Variants in SLC52A3 observed in about 807,000 individuals in gnomAD.
The protein encoded by SLC52A3 is solute carrier family 52, riboflavin transporter, member 3.
A neutral mutation model predicts 29.5 loss-of-function variants in SLC52A3; 20 were observed. That is an observed-to-expected ratio of 0.68 (90% CI 0.48 to 0.99). SLC52A3 has a LOEUF of 0.99. SLC52A3 is among the 50% of genes least tolerant of loss of function. SLC52A3 has a pLI of 0.00. For synonymous variants in SLC52A3, 301 were observed against 271.0 expected (o/e 1.11, Z -1.09); for missense variants, 548 against 612.9 (o/e 0.89, Z 1.12).
At chr20:761,957 G>T in intron 3 of SLC52A3, 133 bp from the exon 4 acceptor site, 1 of 1,356,758 alleles carries the variant, frequency 7.4e-7, no homozygotes, top group Non-Finnish European at 1.0e-6. Context: ...CAGGTTGCCT[G>T]GCTCAAGTGG....
intron 4 of SLC52A3, 89 bp from the exon 5 acceptor site, chr20:761,327 C>T: frequency 7.4e-7 from 1 of 1,351,646 alleles, no homozygotes; most frequent in Non-Finnish European, 1.0e-6. Flanking sequence ...TCAGGGGAAC[C>T]CACGGAATAC....
In SLC52A3 at chr20:765,308, G is replaced by A. The variant is rs1318600253; in HGVS notation, c.467C>T (p.Ala156Val). 2 of 1,614,054 alleles carry A rather than the reference G, an allele frequency of 1.2e-6. No individual in the cohort carries two copies. Among genetic ancestry groups the A allele is most frequent in the Admixed American group, 1.7e-5 (1 of 60,004 alleles). The change falls in exon 2 of 5, where the codon GCT becomes GTT. Residue 156 changes from alanine (A) to valine (V), a missense_variant. By Grantham distance (64) the Ala-to-Val change is moderately conservative (BLOSUM62 0). This residue lies in a region of SLC52A3 where 375 missense variants were observed against 471.1 expected (regional missense o/e 0.80). Transcript: ENST00000645534. The surrounding 1 kb of genome is among the most constrained non-coding windows in gnomAD (Gnocchi z 6.6). ...GLSGLLPALV[A>V]LAQGSGLTTC... ...AGTGAGACCGGAGCCCTGGGCAAGA[G>A]CCACCAGGGCGGGCAAGAGGCCGCT... is the stretch of plus-strand genomic sequence containing the variant.
At position 761,065 on chromosome 20, in the gene SLC52A3, G is replaced by C. The variant is rs145431028; in HGVS notation, c.1371C>G (p.Phe457Leu). Residue 457 changes from phenylalanine to leucine, a missense_variant, in exon 5 of 5, where the codon TTC (phenylalanine) becomes TTG (leucine). Transcript: ENST00000645534. ...GCAGATTGCAGAAGTCCGCGGACGAGAAGAGCCGCAGCACGTTGACCAGAG... is the reference window on the plus strand; with the variant it reads ...GCAGATTGCAGAAGTCCGCGGACGACAAGAGCCGCAGCACGTTGACCAGAG... ...MFPLVNVLRL[F>L]SSADFCNLHC... 6.7e-4 allele frequency: 1,080 copies of C among 1,610,086 alleles called. 3 individuals carry two copies. The highest frequency in any genetic ancestry group is 8.7e-4 in the Non-Finnish European group (1,029 of 1,178,800).
chr20:761,612 G>T (rs746432629), intron 4 of SLC52A3, 89 bp downstream of exon 4: 8 of 1,573,600 alleles, frequency 5.1e-6, no homozygotes, highest in Non-Finnish European at 3.5e-6. Flanking sequence ...GACCCCGCTC[G>T]CTGGAAAGGG....
At chr20:769,291 G>GC (rs1313921869), upstream of SLC52A3, among the ~76,000 whole-genome samples, 1 of 152,280 alleles carries the variant, frequency 6.6e-6, no homozygotes, top group Admixed American at 6.5e-5. Flanking sequence ...GGAAGAAGTG[G>GC]CCCCCCACTT....
At chr20:774,230 G>C (rs905773036) in intron 1 of SLC52A3, among the ~76,000 whole-genome samples, 2 of 152,222 alleles carry the variant, frequency 1.3e-5, no homozygotes, top group Non-Finnish European at 2.9e-5. Flanking sequence ...ACCCGCCTCA[G>C]CTATGAGGGT....
At position 763,950 on chromosome 20, in the gene SLC52A3, G is replaced by C; in HGVS notation, c.621C>G (p.Ser207=). ...CGGGAAGGTAGCGGCTCTCCAGGTG[G>C]GACAAGGGTGCTTCCATTCCGGGGA... ...SALPGMEAPL[S]HLESRYLPAH... Residue 207 remains serine, a synonymous_variant, in exon 3 of 5, where the codon TCC becomes TCG. Coordinates refer to ENST00000645534, the MANE Select transcript of SLC52A3 (RefSeq NM_033409.4). 1 of 1,611,746 alleles carries C rather than the reference G, an allele frequency of 6.2e-7. No individual in the cohort carries two copies. Among genetic ancestry groups the C allele is most frequent in the Non-Finnish European group, 8.5e-7 (1 of 1,178,900 alleles).
At chr20:777,728 A>G (rs1987102177), upstream of SLC52A3, among the ~76,000 whole-genome samples, 1 of 152,204 alleles carries the variant, frequency 6.6e-6, no homozygotes, top group Non-Finnish European at 1.5e-5. Flanking sequence ...GGAAGGGGCC[A>G]GACCCCTCGC....
At chr20:762,562 A>G (rs532791153) in intron 3 of SLC52A3, among the ~76,000 whole-genome samples, 114 of 152,350 alleles carry the variant, frequency 7.5e-4, no homozygotes, top group African/African-American at 2.5e-3. Flanking sequence ...AGGTCTGCCT[A>G]TACCCTTAAA....
rs774547607 is a variant in SLC52A3 at position 765,191 on chromosome 20, C to T, written c.567+17G>A. On this transcript the variant is annotated intron_variant, in intron 2 of 4. Transcript: ENST00000645534. This position sits in a 1 kb window ranked among gnomAD's most constrained non-coding sequence, Gnocchi z 6.6. ...ATAAAGCCAAGTGCTGAGATGGCTC[C>T]GGGTGATGCTGGGTACCTGTGCGAT... is the stretch of plus-strand genomic sequence containing the variant. 1.2e-5 allele frequency: 19 copies of T among 1,614,038 alleles called. No individual in the cohort carries two copies. Among genetic ancestry groups the T allele is most frequent in the Admixed American group, 6.7e-5 (4 of 60,016 alleles).
chr20:768,073 A>G (rs183290615), intron 1 of SLC52A3, among the ~76,000 whole-genome samples: 1 of 152,302 alleles, frequency 6.6e-6, no homozygotes, highest in East Asian at 1.9e-4. Flanking sequence ...TAGTGATAGT[A>G]TGAACTCCGT....
chr20:769,576 A>G (rs937948599), upstream of SLC52A3, among the ~76,000 whole-genome samples: 3 of 146,772 alleles, frequency 2.0e-5, no homozygotes, highest in Non-Finnish European at 4.6e-5. Context: ...TTACTATTTC[A>G]GCAAACGTAT....
chr20:771,227 C>T (rs1052210249), upstream of SLC52A3, among the ~76,000 whole-genome samples: 2 of 152,144 alleles, frequency 1.3e-5, no homozygotes, highest in African/African-American at 4.8e-5. Flanking sequence ...CAAGACCAGC[C>T]TCCAACTGGT....
At chr20:776,402 G>T (rs530517104), upstream of SLC52A3, among the ~76,000 whole-genome samples, 16 of 152,332 alleles carry the variant, frequency 1.1e-4, no homozygotes, top group African/African-American at 3.8e-4. Flanking sequence ...CTGCCAGTGT[G>T]CACTGAGCTG....
At chr20:776,865 G>GGGGGC (rs1555784961), upstream of SLC52A3, among the ~76,000 whole-genome samples, 1 of 151,026 alleles carries the variant, frequency 6.6e-6, no homozygotes, top group African/African-American at 2.4e-5. Context: ...TTGGGGGGGG[G>GGGGGC]GCCACAGGAG....
upstream of SLC52A3, among the ~76,000 whole-genome samples, chr20:768,979 C>T (rs1986771918): frequency 6.6e-6 from 1 of 152,238 alleles, no homozygotes; most frequent in Non-Finnish European, 1.5e-5. Flanking sequence ...TCTCAGGCGT[C>T]CTCACCAGGG....
upstream of SLC52A3, among the ~76,000 whole-genome samples, chr20:772,705 C>T (rs961236866): frequency 3.9e-5 from 6 of 152,046 alleles, no homozygotes; most frequent in Non-Finnish European, 8.8e-5. Flanking sequence ...ACCACAATCC[C>T]TGCTCTCAGG....
chr20:779,096 G>C (rs1225772382), upstream of SLC52A3, among the ~76,000 whole-genome samples: 1 of 152,190 alleles, frequency 6.6e-6, no homozygotes, highest in Non-Finnish European at 1.5e-5. Context: ...CTAGTCTACA[G>C]ACGTGAAGGA....
intron 1 of SLC52A3, among the ~76,000 whole-genome samples, chr20:767,453 T>A (rs1013754600): frequency 6.6e-6 from 1 of 152,034 alleles, no homozygotes; most frequent in Non-Finnish European, 1.5e-5. Context: ...CCTCCCGGGT[T>A]CAAGTGATTC....
Sources: gnomAD v4.1 joint callset for allele counts (sites outside exome capture counted in the v4.1 genomes callset) on GRCh38, gnomAD v4.1.1 for gene constraint, gnomAD v4.1.1 regional missense constraint, Gnocchi (gnomAD v3.1) non-coding constraint, MANE v1.5 for transcripts, NCBI Gene and HGNC (gene_info 2026-07-23, HGNC 2026-07-21) for gene names.